GRM8: variants seen among roughly 807,000 people sequenced by gnomAD.
The protein encoded by GRM8 is glutamate metabotropic receptor 8.
A neutral mutation model predicts 87.2 loss-of-function variants in GRM8; 47 were observed. The observed-to-expected ratio is 0.54, with a 90% CI of 0.43 to 0.69. GRM8 has a LOEUF of 0.69. Ranked by LOEUF, GRM8 falls within the 30% of genes least tolerant of loss-of-function variation. The probability of loss-of-function intolerance (pLI) is 0.00; values close to 1 mark genes in which losing one functional copy is unlikely to be tolerated. For missense variants in GRM8, 1,019 were observed against 1,139.2 expected (o/e 0.89, Z 1.52); for synonymous variants, 396 against 404.5 (o/e 0.98, Z 0.25).
At chr7:127,129,063 T>C (rs1827533608) in intron 2 of GRM8, among the ~76,000 whole-genome samples, 1 of 152,134 alleles carries the variant, frequency 6.6e-6, no homozygotes, top group African/African-American at 2.4e-5. Flanking sequence ...ACCTGATAAA[T>C]TGGAATTATT....
chr7:127,092,991 T>C (rs935720362), intron 3 of GRM8, among the ~76,000 whole-genome samples: 1 of 152,212 alleles, frequency 6.6e-6, no homozygotes, highest in Non-Finnish European at 1.5e-5. Flanking sequence ...CAAAAACACA[T>C]GCACACATGT....
intron 9 of GRM8, among the ~76,000 whole-genome samples, chr7:126,488,740 C>T (rs974210432): frequency 1.2e-4 from 19 of 152,044 alleles, no homozygotes; most frequent in African/African-American, 4.3e-4. Flanking sequence ...ATCTTCCAAA[C>T]TAGATTGTCA....
intron 9 of GRM8, among the ~76,000 whole-genome samples, chr7:126,474,516 G>C (rs936100159): frequency 6.6e-6 from 1 of 152,122 alleles, no homozygotes; most frequent in African/African-American, 2.4e-5. Flanking sequence ...TAATCTGCCT[G>C]GGATCCCAAA....
chr7:126,476,441 G>T (rs1363774700), intron 9 of GRM8, among the ~76,000 whole-genome samples: 1 of 152,052 alleles, frequency 6.6e-6, no homozygotes. Context: ...TGCAGGAAAG[G>T]AAACAGCAAA....
chr7:127,251,397 A>C (rs1592377), intron 1 of GRM8, among the ~76,000 whole-genome samples: 42,664 of 151,954 alleles, frequency 0.28, 6,857 homozygotes, highest in Middle Eastern at 0.41. Context: ...CTCAAGGGAT[A>C]TCCGAGCTTT....
In GRM8 at chr7:126,759,900, T is replaced by C. The variant is rs145501557; in HGVS notation, c.1357+9965A>G. ...TTTTTTATAAATGAGGAAACAAAAA[T>C]GTATAGAGGTTTTGTTGCTTGGCCA... is the stretch of plus-strand genomic sequence containing the variant. On this transcript the variant is annotated intron_variant, in intron 7 of 10. Transcript: ENST00000339582. Among the ~76,000 whole-genome samples, 418 of 152,278 alleles carry C rather than the reference T, an allele frequency of 2.7e-3. 3 individuals carry two copies. Among genetic ancestry groups the C allele is most frequent in the African/African-American group, 9.5e-3 (396 of 41,568 alleles).
In GRM8 at chr7:126,554,048, G is replaced by A. The variant is rs1792878300; in HGVS notation, c.1495-20161C>T. ...AGTACATATTTAATAATGTATCATT[G>A]TTTCATATTTGGAAAAATATATTCC... is the stretch of plus-strand genomic sequence containing the variant. On this transcript the variant is annotated intron_variant, in intron 8 of 10. Transcript: ENST00000339582. 4.6e-5 allele frequency among the ~76,000 whole-genome samples: 7 copies of A among 151,852 alleles called. No homozygotes were observed. In the South Asian group the frequency reaches 1.5e-3, roughly 32 times the overall value.
chr7:126,904,400 T>C (rs1586398222), intron 4 of GRM8, 148 bp downstream of exon 4: 1 of 777,000 alleles, frequency 1.3e-6, no homozygotes, highest in East Asian at 2.6e-5. Context: ...CCCCAAGTTT[T>C]ACTCTGTAGG....
chr7:127,010,897 A>C (rs565978553), intron 3 of GRM8, among the ~76,000 whole-genome samples: 27 of 152,184 alleles, frequency 1.8e-4, no homozygotes, highest in African/African-American at 6.0e-4. Context: ...AAAGAAAGAG[A>C]AAGAGGAGCA....
chr7:126,459,149 G>C (rs1803592000), intron 9 of GRM8, among the ~76,000 whole-genome samples: 1 of 151,328 alleles, frequency 6.6e-6, no homozygotes. Flanking sequence ...TGAAAAATAA[G>C]ATGTAAGTAC....
intron 3 of GRM8, among the ~76,000 whole-genome samples, chr7:126,912,629 G>A (rs1219520584): frequency 6.6e-6 from 1 of 152,214 alleles, no homozygotes; most frequent in Non-Finnish European, 1.5e-5. Flanking sequence ...GCTCTCTGTA[G>A]CCAGGGCATT....
intron 2 of GRM8, among the ~76,000 whole-genome samples, chr7:127,183,192 C>T (rs1794563714): frequency 6.6e-6 from 1 of 151,838 alleles, no homozygotes; most frequent in African/African-American, 2.4e-5. Flanking sequence ...TAAATAAAGG[C>T]ATTGCAGAAG....
At position 126,578,214 on chromosome 7, in the gene GRM8, G is replaced by A. The variant is rs139151111; in HGVS notation, c.1494+31148C>T. On this transcript the variant is annotated intron_variant, in intron 8 of 10. Transcript: ENST00000339582. ...AAATTATGTATTTACATATATTTCT[G>A]ACATGTAGGTTTTTTAAAGAATTTT... Among the ~76,000 whole-genome samples, 9 of 152,240 alleles carry A rather than the reference G, an allele frequency of 5.9e-5. No individual in the cohort carries two copies. In the East Asian group the frequency reaches 1.7e-3, roughly 29 times the overall value.
At chr7:127,164,037 A>G (rs554749336) in intron 2 of GRM8, among the ~76,000 whole-genome samples, 16 of 152,224 alleles carry the variant, frequency 1.1e-4, no homozygotes, top group African/African-American at 3.4e-4. Flanking sequence ...TAGATCTGGA[A>G]CTGAATTTCT....
At chr7:127,097,438 C>T (rs1373551932) in intron 3 of GRM8, among the ~76,000 whole-genome samples, 1 of 152,160 alleles carries the variant, frequency 6.6e-6, no homozygotes, top group Non-Finnish European at 1.5e-5. Context: ...AAAGCTTCCT[C>T]TCTGGTCTTC....
chr7:126,788,420 A>AAAAACAAAAAAACAAAAAACAAAAAAC lies in GRM8; in HGVS notation c.1157-18356_1157-18355insGTTTTTTGTTTTTTGTTTTTTTGTTTT. 9.9e-5 allele frequency among the ~76,000 whole-genome samples: 8 copies of AAAAACAAAAAAACAAAAAACAAAAAAC among 81,134 alleles called. 1 individual carries two copies. In the East Asian group the frequency reaches 2.2e-3, roughly 23 times the overall value. The allele number at this position is 81,134 out of a possible 152,430, so 53.2% of individuals were successfully genotyped here. A position where few individuals can be genotyped will look rare whatever the true frequency, so the allele number is the denominator to read the frequency against. On this transcript the variant is annotated intron_variant, in intron 6 of 10. Coordinates refer to ENST00000339582, the MANE Select transcript of GRM8 (RefSeq NM_000845.3). ...GCAAGACTCCATCTCAAAAAAAAAA[A>AAAAACAAAAAAACAAAAAACAAAAAAC]AAACCCTTTCAGATATCTTTAACAT...
chr7:126,773,398 T>A (rs1398931177), intron 6 of GRM8, among the ~76,000 whole-genome samples: 1 of 152,044 alleles, frequency 6.6e-6, no homozygotes, highest in East Asian at 1.9e-4. Context: ...ACAAGAGCAT[T>A]AAGGAATTTG....
intron 7 of GRM8, among the ~76,000 whole-genome samples, chr7:126,653,727 C>T (rs572724218): frequency 6.6e-6 from 1 of 152,268 alleles, no homozygotes; most frequent in Admixed American, 6.5e-5. Flanking sequence ...CAAGAATACC[C>T]ATGAATACTC....
chr7:126,711,491 A>G (rs933119415), intron 7 of GRM8, among the ~76,000 whole-genome samples: 8 of 152,228 alleles, frequency 5.3e-5, no homozygotes, highest in Non-Finnish European at 8.8e-5. Flanking sequence ...ATAATTCTTA[A>G]GAGCCCTAGG....
Sources: gnomAD v4.1 joint callset for allele counts (sites outside exome capture counted in the v4.1 genomes callset) on GRCh38, gnomAD v4.1.1 for gene constraint, MANE v1.5 for transcripts, NCBI Gene and HGNC (gene_info 2026-07-23, HGNC 2026-07-21) for gene names.